Variants in PRKCZ observed in about 807,000 individuals in gnomAD.
PRKCZ encodes the protein protein kinase C zeta type.
Under a neutral mutation model 79.5 loss-of-function variants are expected in PRKCZ, and 33 were observed. The observed-to-expected ratio is 0.41, with a 90% CI of 0.31 to 0.55. The LOEUF is 0.55. Among genes scored for constraint, PRKCZ ranks in the 20% least tolerant of loss-of-function variants. PRKCZ has a pLI of 0.19. For missense variants in PRKCZ, 578 were observed against 813.5 expected, an observed-to-expected ratio of 0.71 and a Z score of 3.52; for synonymous variants, 342 against 320.9, an observed-to-expected ratio of 1.07 and a Z score of -0.70.
chr1:2,146,856 T>C (rs1358446405), intron 7 of PRKCZ, among the ~76,000 whole-genome samples: 2 of 152,122 alleles, frequency 1.3e-5, no homozygotes, highest in African/African-American at 4.8e-5. Flanking sequence ...CACCCACCTA[T>C]CCTCTATACA....
rs1557749234 is a variant in PRKCZ, at chr1:2,177,934, C to T, written c.1575+2621C>T. ...CGGCCCTGCCTCTGCCACCGACCGC[C>T]GACCCTGCCTCTGCCGTTTCCTTGC... On this transcript the variant is annotated intron_variant, in intron 16 of 17. Transcript: ENST00000378567. This position sits in a 1 kb window ranked among gnomAD's most constrained non-coding sequence, Gnocchi z 6.4. Among the ~76,000 whole-genome samples the T allele has an allele frequency of 6.6e-6, 1 of 152,180 alleles. No individual in the cohort carries two copies. Among genetic ancestry groups the T allele is most frequent in the African/African-American group, 2.4e-5 (1 of 41,446 alleles).
At chr1:2,109,478 G>A (rs893778891) in intron 4 of PRKCZ, among the ~76,000 whole-genome samples, 1 of 152,190 alleles carries the variant, frequency 6.6e-6, no homozygotes. Flanking sequence ...ATCAGGTGTG[G>A]TCGTGAATAT....
intron 1 of PRKCZ, among the ~76,000 whole-genome samples, chr1:2,051,393 C>G (rs886331643): frequency 6.6e-6 from 1 of 152,186 alleles, no homozygotes; most frequent in African/African-American, 2.4e-5. Flanking sequence ...TGGCCGGGCT[C>G]ACAGGCACAG....
intron 4 of PRKCZ, among the ~76,000 whole-genome samples, chr1:2,111,161 G>A (rs1571464232): frequency 6.6e-6 from 1 of 152,100 alleles, no homozygotes; most frequent in Non-Finnish European, 1.5e-5. Context: ...GGAGCTGTGG[G>A]GCTGGCTGTG....
chr1:2,098,248 A>G (rs960712739), intron 4 of PRKCZ: 5 of 152,266 alleles, frequency 3.3e-5, no homozygotes, highest in East Asian at 1.9e-4. Context: ...GGATGTAACC[A>G]TACGGATACA....
intron 3 of PRKCZ, among the ~76,000 whole-genome samples, chr1:2,058,924 T>C (rs1660426782): frequency 6.6e-6 from 1 of 152,104 alleles, no homozygotes; most frequent in Admixed American, 6.5e-5. Context: ...AAAAAATGTT[T>C]GTTTTTTTAA....
chr1:2,051,776 C>T (rs1659685864), intron 1 of PRKCZ, among the ~76,000 whole-genome samples: 1 of 152,100 alleles, frequency 6.6e-6, no homozygotes, highest in Non-Finnish European at 1.5e-5. Flanking sequence ...TTCCTGCGAA[C>T]CTTGTCTTGG....
chr1:2,133,443 C>T (rs1244925054), intron 4 of PRKCZ, among the ~76,000 whole-genome samples: 2 of 150,324 alleles, frequency 1.3e-5, no homozygotes, highest in Non-Finnish European at 3.0e-5. Flanking sequence ...CCAAGCTGTG[C>T]GTCCTTCCCT....
rs1437608827 is a variant in PRKCZ, at chr1:2,173,540, G to A, written c.1286-357G>A. Reference sequence around the variant, plus strand: ...AACACAGGAGAGTATTTCCGTTACTGCAGCGAAAGGGCTTCTTCAAGCTTA... The same window carrying A: ...AACACAGGAGAGTATTTCCGTTACTACAGCGAAAGGGCTTCTTCAAGCTTA... On this transcript the variant is annotated intron_variant, in intron 13 of 17. Coordinates refer to ENST00000378567, the MANE Select transcript of PRKCZ (RefSeq NM_002744.6). This position sits in a 1 kb window ranked among gnomAD's most constrained non-coding sequence, Gnocchi z 5.7. 6.6e-6 allele frequency among the ~76,000 whole-genome samples: 1 copy of A among 152,210 alleles called. No individual in the cohort carries two copies. The highest frequency in any genetic ancestry group is 1.5e-5 in the Non-Finnish European group (1 of 68,048).
At chr1:2,058,291 C>T (rs948195900) in intron 3 of PRKCZ, among the ~76,000 whole-genome samples, 5 of 150,904 alleles carry the variant, frequency 3.3e-5, no homozygotes, top group Admixed American at 6.6e-5. Flanking sequence ...GCGTGAGCCA[C>T]GGTGCCCGGC....
intron 5 of PRKCZ, among the ~76,000 whole-genome samples, chr1:2,137,318 C>T (rs534360030): frequency 4.4e-4 from 67 of 152,298 alleles, no homozygotes; most frequent in Non-Finnish European, 5.0e-4. Flanking sequence ...TGGACGCCAC[C>T]GCCCACCCAC....
chr1:2,144,461 C>G, intron 6 of PRKCZ, 120 bp downstream of exon 6: 2 of 1,478,824 alleles, frequency 1.4e-6, no homozygotes, highest in Non-Finnish European at 1.8e-6. Flanking sequence ...GTGGTGCCGT[C>G]CTAGCTCTGG....
intron 4 of PRKCZ, among the ~76,000 whole-genome samples, chr1:2,115,866 C>T (rs758716540): frequency 1.1e-4 from 16 of 152,196 alleles, no homozygotes; most frequent in Non-Finnish European, 2.4e-4. Context: ...CTCGGACACT[C>T]TCCAGACCAT....
intron 4 of PRKCZ, among the ~76,000 whole-genome samples, chr1:2,126,841 G>T (rs1487094298): frequency 1.3e-5 from 2 of 152,190 alleles, no homozygotes; most frequent in African/African-American, 4.8e-5. Context: ...GGACACGGCC[G>T]CCCATCCCTC....
rs181264698 is a variant in PRKCZ at position 2,129,609 on chromosome 1, C to T, written c.335-5653C>T. Among the ~76,000 whole-genome samples the T allele has an allele frequency of 3.3e-4, 50 of 152,180 alleles. No homozygotes were observed. In the East Asian group the frequency reaches 8.3e-3, roughly 25 times the overall value. On this transcript the variant is annotated intron_variant, in intron 4 of 17. Coordinates refer to ENST00000378567, the MANE Select transcript of PRKCZ (RefSeq NM_002744.6). ...TCATTAATTGTAACAGTGTAGCAGG[C>T]GGGTGGAAGATGAGAGCTGTGGGGA...
At chr1:2,103,017 G>A (rs562065707) in intron 4 of PRKCZ, among the ~76,000 whole-genome samples, 6 of 152,176 alleles carry the variant, frequency 3.9e-5, no homozygotes, top group Admixed American at 1.3e-4. Flanking sequence ...CTTCAGGCGC[G>A]CACCACCACG....
Position 2,082,993 on chromosome 1 carries a change from C to T in PRKCZ, c.334+23402C>T, listed in dbSNP as rs945860818. 6.6e-6 allele frequency among the ~76,000 whole-genome samples: 1 copy of T among 152,122 alleles called. No homozygotes were observed. The highest frequency in any genetic ancestry group is 1.5e-5 in the Non-Finnish European group (1 of 67,994). On this transcript the variant is annotated intron_variant, in intron 4 of 17. Coordinates refer to ENST00000378567, the MANE Select transcript of PRKCZ (RefSeq NM_002744.6). This position sits in a 1 kb window ranked among gnomAD's most constrained non-coding sequence, Gnocchi z 4.4. ...AGGACAGGTGTCCACACCTTGGGTG[C>T]CCCCGTCCTCCCTCTCCTCATGTCC... is the stretch of plus-strand genomic sequence containing the variant.
intron 1 of PRKCZ, chr1:2,051,026 G>A (rs1659589689): frequency 3.8e-6 from 1 of 265,488 alleles, no homozygotes; most frequent in African/African-American, 2.2e-5. Context: ...AGGACTGAAA[G>A]TTTTCATCAA....
intron 4 of PRKCZ, chr1:2,073,853 A>C: frequency 9.5e-7 from 1 of 1,055,152 alleles, no homozygotes; most frequent in Non-Finnish European, 1.1e-6. Flanking sequence ...GTCAACGGGA[A>C]GGAAGATGCC....
Sources: allele counts gnomAD v4.1 joint callset (sites outside exome capture counted in the v4.1 genomes callset), GRCh38; gene constraint gnomAD v4.1.1; non-coding constraint Gnocchi (gnomAD v3.1); transcripts MANE v1.5; gene names NCBI Gene and HGNC (gene_info 2026-07-23, HGNC 2026-07-21).